The following SORCS2 variants were observed in gnomAD, a reference collection of about 807,000 sequenced individuals.
The protein encoded by SORCS2 is sortilin related VPS10 domain containing receptor 2.
SORCS2 carries 100 observed loss-of-function variants against 141.6 expected under a neutral mutation model. That is an observed-to-expected ratio of 0.71 (90% CI 0.60 to 0.83). The LOEUF is 0.83. Ranked by LOEUF, SORCS2 falls within the 40% of genes least tolerant of loss-of-function variation. The pLI is 0.00. For missense variants in SORCS2, 1,646 were observed against 1,560.2 expected (o/e 1.05, Z -0.93); for synonymous variants, 789 against 676.9 (o/e 1.17, Z -2.57).
chr4:7,206,810 C>T (rs1376319670), intron 1 of SORCS2, among the ~76,000 whole-genome samples: 1 of 152,102 alleles, frequency 6.6e-6, no homozygotes, highest in African/African-American at 2.4e-5. Context: ...TTGATGATCC[C>T]AGCCTCATCT....
intron 2 of SORCS2, among the ~76,000 whole-genome samples, chr4:7,446,014 T>C (rs896427779): frequency 2.0e-5 from 3 of 151,664 alleles, no homozygotes; most frequent in Non-Finnish European, 2.9e-5. Flanking sequence ...TTCTTTTTTT[T>C]CCTTCCTTCT....
At chr4:7,297,090 G>T (rs1717122956) in intron 1 of SORCS2, among the ~76,000 whole-genome samples, 1 of 152,014 alleles carries the variant, frequency 6.6e-6, no homozygotes, top group Non-Finnish European at 1.5e-5. Context: ...AGTGCCTGGG[G>T]GGGTCCTCCC....
chr4:7,726,300 G>A (rs892954753), intron 20 of SORCS2, among the ~76,000 whole-genome samples: 1 of 152,244 alleles, frequency 6.6e-6, no homozygotes, highest in African/African-American at 2.4e-5. Flanking sequence ...TGTTGAGAAG[G>A]AAGGGGGTGC....
At chr4:7,597,996 T>A (rs1372374501) in intron 3 of SORCS2, among the ~76,000 whole-genome samples, 4 of 146,688 alleles carry the variant, frequency 2.7e-5, no homozygotes, top group Non-Finnish European at 6.0e-5. Context: ...TAATATGGAG[T>A]CTTGCCCTGT....
At chr4:7,429,909 G>T (rs1162155632) in intron 2 of SORCS2, among the ~76,000 whole-genome samples, 1 of 152,196 alleles carries the variant, frequency 6.6e-6, no homozygotes, top group Non-Finnish European at 1.5e-5. Context: ...CACGGTGACT[G>T]TGGGAGGTGG....
intron 3 of SORCS2, among the ~76,000 whole-genome samples, chr4:7,608,948 T>C (rs1315468560): frequency 6.6e-6 from 1 of 152,082 alleles, no homozygotes; most frequent in Non-Finnish European, 1.5e-5. Flanking sequence ...CGAGCACTAG[T>C]CATCCTTTCC....
At chr4:7,560,467 G>A (rs555739465) in intron 3 of SORCS2, among the ~76,000 whole-genome samples, 8 of 152,240 alleles carry the variant, frequency 5.3e-5, no homozygotes, top group African/African-American at 1.9e-4. Flanking sequence ...AGGTGACAGT[G>A]GCCATCTCTA....
At chr4:7,396,452 C>G (rs1724222690) in intron 2 of SORCS2, 97 bp downstream of exon 2, 9 of 1,309,358 alleles carry the variant, frequency 6.9e-6, no homozygotes, top group Non-Finnish European at 9.6e-6. Flanking sequence ...CTCACTGTGG[C>G]AGCCCCTGTG....
chr4:7,732,295 C>G (rs551688586), intron 23 of SORCS2, among the ~76,000 whole-genome samples: 2 of 152,328 alleles, frequency 1.3e-5, no homozygotes, highest in African/African-American at 4.8e-5. Context: ...ACAGAGCTGA[C>G]CAGTGCTGTG....
intron 2 of SORCS2, among the ~76,000 whole-genome samples, chr4:7,450,422 G>T (rs969574935): frequency 1.3e-5 from 2 of 152,190 alleles, no homozygotes; most frequent in Non-Finnish European, 2.9e-5. Flanking sequence ...CAACCATCAC[G>T]GTTGAGTGTC....
Position 7,363,454 on chromosome 4 carries a change from G to A in SORCS2, c.481-32834G>A, listed in dbSNP as rs1721722223. Among the ~76,000 whole-genome samples, 2 of 144,290 alleles carry A rather than the reference G, an allele frequency of 1.4e-5. 1 individual carries two copies. The highest frequency in any genetic ancestry group is 4.3e-4 in the South Asian group (2 of 4,678). The allele number at this position is 144,290 out of a possible 152,430, so 94.7% of individuals were successfully genotyped here. ...TATCATCACCATCACCACCATTGTG[G>A]TGTATCACCATTACCATCACCGTCA... On this transcript the variant is annotated intron_variant, in intron 1 of 26. Transcript: ENST00000507866.
chr4:7,642,476 A>C (rs542811316), intron 4 of SORCS2, among the ~76,000 whole-genome samples: 1 of 152,352 alleles, frequency 6.6e-6, no homozygotes, highest in South Asian at 2.1e-4. Flanking sequence ...GCTTAGTTGC[A>C]GTTGTAAAAG....
chr4:7,231,873 A>G lies in SORCS2; in HGVS notation c.480+38747A>G, dbSNP rs918390391. The stretch of plus-strand genomic sequence containing the variant: ...GGATATAAGTGTGGCATCTGGGGGG[A>G]TTGGGAGAGACCCAGGCTCTCGGGG... On this transcript the variant is annotated intron_variant, in intron 1 of 26. Coordinates refer to ENST00000507866, the MANE Select transcript of SORCS2 (RefSeq NM_020777.3). 7.9e-5 allele frequency among the ~76,000 whole-genome samples: 12 copies of G among 151,706 alleles called. No homozygotes were observed. In the East Asian group the frequency reaches 9.7e-4, roughly 12 times the overall value.
chr4:7,690,210 G>C (rs1470051155), intron 11 of SORCS2, among the ~76,000 whole-genome samples: 1 of 151,270 alleles, frequency 6.6e-6, no homozygotes, highest in East Asian at 2.0e-4. Context: ...TGGATGAAAG[G>C]ATGAGTGGGT....
chr4:7,524,881 C>T (rs1022114783), intron 2 of SORCS2, among the ~76,000 whole-genome samples: 6 of 152,144 alleles, frequency 3.9e-5, no homozygotes, highest in Admixed American at 2.0e-4. Flanking sequence ...GCGAGTGCAC[C>T]GCAGAGAGAA....
chr4:7,333,816 C>T (rs1010814385), intron 1 of SORCS2, among the ~76,000 whole-genome samples: 2 of 152,340 alleles, frequency 1.3e-5, no homozygotes, highest in African/African-American at 4.8e-5. Context: ...AACATTTTGC[C>T]TCGCTGAGCT....
chr4:7,286,745 C>T lies in SORCS2; in HGVS notation c.480+93619C>T, dbSNP rs551938860. Among the ~76,000 whole-genome samples the T allele has an allele frequency of 4.6e-5, 7 of 152,302 alleles. No homozygotes were observed. Among genetic ancestry groups the T allele is most frequent in the South Asian group, 2.1e-4 (1 of 4,822 alleles). ...ATGCCTCAGAGGTTGCACATGTTCA[C>T]GGGCCTCGGTTAACCAGAGCAGATG... On this transcript the variant is annotated intron_variant, in intron 1 of 26. Transcript: ENST00000507866. The surrounding 1 kb of genome is among the most constrained non-coding windows in gnomAD (Gnocchi z 4.1).
intron 1 of SORCS2, among the ~76,000 whole-genome samples, chr4:7,237,506 A>G (rs1283050265): frequency 6.6e-6 from 1 of 152,158 alleles, no homozygotes; most frequent in Non-Finnish European, 1.5e-5. Flanking sequence ...AAGACTAGGC[A>G]CTGACTCTAG....
At chr4:7,433,159 C>G (rs1727001447) in intron 2 of SORCS2, 1 of 737,442 alleles carries the variant, frequency 1.4e-6, no homozygotes. Flanking sequence ...AAGAGAGAGG[C>G]TTTCGGGATC....
Sources: allele counts gnomAD v4.1 joint callset (sites outside exome capture counted in the v4.1 genomes callset), GRCh38; gene constraint gnomAD v4.1.1; non-coding constraint Gnocchi (gnomAD v3.1); transcripts MANE v1.5; gene names NCBI Gene and HGNC (gene_info 2026-07-23, HGNC 2026-07-21).